The following SARM1 variants were observed in gnomAD, a reference collection of about 807,000 sequenced individuals.
The protein encoded by SARM1 is sterile alpha and TIR motif containing 1.
Under a neutral mutation model 65.1 loss-of-function variants are expected in SARM1, and 60 were observed. The ratio of observed to expected loss-of-function variants is 0.92; its 90% CI spans 0.75 to 1.14. The LOEUF (loss-of-function observed/expected upper bound fraction) is 1.14. Among genes scored for constraint, SARM1 ranks in the 50% most tolerant of loss-of-function variants. The pLI, the probability that SARM1 is intolerant of heterozygous loss-of-function variation, is 0.00. For missense variants in SARM1, 913 were observed against 1,015.7 expected, an observed-to-expected ratio of 0.90 and a Z score of 1.37; for synonymous variants, 417 against 465.4, an observed-to-expected ratio of 0.90 and a Z score of 1.34.
In SARM1 at chr17:28,403,123, C is replaced by G. The variant is rs1423906056; in HGVS notation, c.*6837C>G. 2 of 152,214 alleles carry G rather than the reference C, an allele frequency of 1.3e-5. No homozygotes were observed. Among genetic ancestry groups the G allele is most frequent in the East Asian group, 3.9e-4 (2 of 5,194 alleles). 9.4% of individuals were successfully genotyped at this position (152,214 alleles called of 1,614,324 possible). On this transcript the variant is annotated 3_prime_UTR_variant, in exon 9 of 9. Coordinates refer to ENST00000585482, the MANE Select transcript of SARM1 (RefSeq NM_015077.4). Reference sequence around the variant, plus strand: ...AAACACGTTCTCTCCTGGAGGCTTGCAAGGGAGCACTGCCTGCTGACTGCT... The same window carrying G: ...AAACACGTTCTCTCCTGGAGGCTTGGAAGGGAGCACTGCCTGCTGACTGCT...
In SARM1 at chr17:28,400,902, C is replaced by T. The variant is rs2068189161; in HGVS notation, c.*4616C>T. On this transcript the variant is annotated 3_prime_UTR_variant, in exon 9 of 9. Transcript: ENST00000585482. Reference sequence around the variant, plus strand: ...CCTTCCTCACCAGTAAATCCTGCTACATCATGTACTGTGACAAGGATTCAG... The same window carrying T: ...CCTTCCTCACCAGTAAATCCTGCTATATCATGTACTGTGACAAGGATTCAG... 5 of 775,724 alleles carry T rather than the reference C, an allele frequency of 6.4e-6. No individual in the cohort carries two copies. Among genetic ancestry groups the T allele is most frequent in the Non-Finnish European group, 2.2e-6 (1 of 455,172 alleles). The allele number at this position is 775,724 out of a possible 1,614,324, so 48.1% of individuals were successfully genotyped here.
In SARM1 at chr17:28,385,218, G is replaced by T; in HGVS notation, c.1573G>T (p.Glu525Ter). ...LHRVSEQQLL[E>*]DCGIHLGVHR... Reference sequence around the variant, plus strand: ...CCGCGTGTCTGAGCAGCAGCTGCTGGAAGACTGCGGCATCCACCTGGGCGT... The same window carrying T: ...CCGCGTGTCTGAGCAGCAGCTGCTGTAAGACTGCGGCATCCACCTGGGCGT... The change falls in exon 5 of 9, where the codon GAA (glutamate) becomes TAA (stop). Residue 525 changes from glutamate (E) to a stop codon, truncating the protein, a stop_gained. Transcript: ENST00000585482. LOFTEE classifies it high-confidence loss of function. The surrounding 1 kb of genome is among the most constrained non-coding windows in gnomAD (Gnocchi z 4.5). 6.3e-7 allele frequency: 1 copy of T among 1,597,994 alleles called. No homozygotes were observed.
In SARM1 at chr17:28,399,938, G is replaced by T. The variant is rs987647468; in HGVS notation, c.*3652G>T. 9.4e-6 allele frequency: 5 copies of T among 530,606 alleles called. No homozygotes were observed. The highest frequency in any genetic ancestry group is 1.9e-5 in the African/African-American group (1 of 52,162). The allele number at this position is 530,606 out of a possible 1,614,324, so 32.9% of individuals were successfully genotyped here. On this transcript the variant is annotated 3_prime_UTR_variant, in exon 9 of 9. Coordinates refer to ENST00000585482, the MANE Select transcript of SARM1 (RefSeq NM_015077.4). ...AGACAGGGTCTTGCTCTGTTGTCCA[G>T]GCTGGAGGGCAGTGACATAATCATA...
chr17:28,383,746 C>T (rs917054748), intron 2 of SARM1, among the ~76,000 whole-genome samples: 2 of 152,200 alleles, frequency 1.3e-5, no homozygotes, highest in South Asian at 4.1e-4. Context: ...GAAGTTGCAT[C>T]GTCAACCAGT....
In SARM1 at chr17:28,396,402, T is replaced by C. The variant is rs2068124287; in HGVS notation, c.*116T>C. 8.1e-7 allele frequency: 1 copy of C among 1,232,998 alleles called. No homozygotes were observed. The highest frequency in any genetic ancestry group is 1.5e-5 in the African/African-American group (1 of 66,802). The allele number at this position is 1,232,998 out of a possible 1,614,324, so 76.4% of individuals were successfully genotyped here. ...GACAACCTGGGCTCTTCTTAGGAAA[T>C]GGCTCTCCCTCCCCCTGTCCCCCAC... On this transcript the variant is annotated 3_prime_UTR_variant, in exon 9 of 9. Transcript: ENST00000585482.
rs140340827 is a variant in SARM1 at position 28,384,903 on chromosome 17, G to T, written c.1367G>T (p.Gly456Val). ...LTEEELQTDLGMKSGITRKRF... is the reference protein window; with the variant it reads ...LTEEELQTDLVMKSGITRKRF... ...GAGGAGGAACTCCAGACCGACCTGGGCATGAAATCGGGCATCACCCGCAAG... is the reference window on the plus strand; with the variant it reads ...GAGGAGGAACTCCAGACCGACCTGGTCATGAAATCGGGCATCACCCGCAAG... Residue 456 changes from glycine (G) to valine (V), a missense_variant, in exon 4 of 9, where the codon GGC (glycine) becomes GTC (valine). Transcript: ENST00000585482. The surrounding 1 kb of genome is among the most constrained non-coding windows in gnomAD (Gnocchi z 4.4). 1.3e-4 allele frequency: 196 copies of T among 1,564,636 alleles called. No individual in the cohort carries two copies. In the African/African-American group the frequency reaches 2.4e-3, roughly 19 times the overall value.
Position 28,385,382 on chromosome 17 carries a change from T to TTAAAAC in SARM1, c.1630+108_1630+109insAAAACT. On this transcript the variant is annotated intron_variant, in intron 5 of 8. Coordinates refer to ENST00000585482, the MANE Select transcript of SARM1 (RefSeq NM_015077.4). The surrounding 1 kb of genome is among the most constrained non-coding windows in gnomAD (Gnocchi z 4.5). ...GCCTTCCAGCCTCGCCGTGGATTGA[T>TTAAAAC]TGAGCACAAACGTGGGTCACACTGG... 1 of 858,128 alleles carries TTAAAAC rather than the reference T, an allele frequency of 1.2e-6. No homozygotes were observed. Among genetic ancestry groups the TTAAAAC allele is most frequent in the Non-Finnish European group, 1.7e-6 (1 of 571,552 alleles). 53.2% of individuals were successfully genotyped at this position (858,128 alleles called of 1,614,324 possible). A position where few individuals can be genotyped will look rare whatever the true frequency, so the allele number is the denominator to read the frequency against.
At position 28,372,508 on chromosome 17, in the gene SARM1, C is replaced by T. The variant is rs1555584223; in HGVS notation, c.470+6C>T. 1 of 1,521,820 alleles carries T rather than the reference C, an allele frequency of 6.6e-7. No homozygotes were observed. Among genetic ancestry groups the T allele is most frequent in the Non-Finnish European group, 8.8e-7 (1 of 1,141,068 alleles). 94.3% of individuals were successfully genotyped at this position (1,521,820 alleles called of 1,614,324 possible). A position where few individuals can be genotyped will look rare whatever the true frequency, so the allele number is the denominator to read the frequency against. On this transcript the variant is annotated splice_donor_region_variant and intron_variant, in intron 1 of 8. Coordinates refer to ENST00000585482, the MANE Select transcript of SARM1 (RefSeq NM_015077.4). The surrounding 1 kb of genome is among the most constrained non-coding windows in gnomAD (Gnocchi z 5.2). ...ATCCTGGTGGCTGAGAACCGGTGAG[C>T]GCGCCAGGCCGGGGTTGGGAGAGCG... is the stretch of plus-strand genomic sequence containing the variant.
chr17:28,387,147 G>T (rs1235991495), intron 5 of SARM1, among the ~76,000 whole-genome samples: 1 of 152,200 alleles, frequency 6.6e-6, no homozygotes, highest in East Asian at 1.9e-4. Context: ...TGGGAGGAAT[G>T]ACATGCTCAG....
chr17:28,396,039 GCC>G lies in SARM1; in HGVS notation c.2045+15_2045+16del. On this transcript the variant is annotated intron_variant, in intron 8 of 8. Coordinates refer to ENST00000585482, the MANE Select transcript of SARM1 (RefSeq NM_015077.4). The stretch of plus-strand genomic sequence containing the variant: ...TCAACGGTATCAAGTGAGCCCCAGG[GCC>G]CTGGGACCAGGGGGGTAGGGTACAA... 3 of 1,613,856 alleles carry G rather than the reference GCC, an allele frequency of 1.9e-6. No homozygotes were observed. Among genetic ancestry groups the G allele is most frequent in the Non-Finnish European group, 2.5e-6 (3 of 1,179,830 alleles).
In SARM1 at chr17:28,388,364, A is replaced by G; in HGVS notation, c.1748A>G (p.His583Arg). 1.2e-6 allele frequency: 2 copies of G among 1,613,900 alleles called. No homozygotes were observed. Among genetic ancestry groups the G allele is most frequent in the Non-Finnish European group, 1.7e-6 (2 of 1,179,874 alleles). The change falls in exon 7 of 9, where the codon CAC (histidine) becomes CGC (arginine). Residue 583 changes from histidine to arginine, a missense_variant. Around this residue, in one of 3 missense-constraint regions of SARM1, gnomAD observed 862 missense variants for 952.1 expected, o/e 0.91. Transcript: ENST00000585482. ...GSQLASLLKV[H>R]LQLHGFSVFI... ...CTTACTTGCAGTCTCCTGAAGGTGC[A>G]CCTGCAGCTGCATGGCTTCAGTGTC...
At chr17:28,379,341 C>T (rs769762438) in intron 1 of SARM1, among the ~76,000 whole-genome samples, 45 of 110,204 alleles carry the variant, frequency 4.1e-4, no homozygotes, top group Non-Finnish European at 6.1e-4. Context: ...GACGGAGTCT[C>T]GCTCTGTTGC....
In SARM1 at chr17:28,381,531, C is replaced by T. The variant is rs11658194; in HGVS notation, c.799C>T (p.Arg267Trp). 137 of 1,576,014 alleles carry T rather than the reference C, an allele frequency of 8.7e-5. No individual in the cohort carries two copies. Among genetic ancestry groups the T allele is most frequent in the Non-Finnish European group, 1.2e-4 (136 of 1,162,266 alleles). ...LAFSKEDELL[R>W]LHACLAVAVL... ...CTTCTCCAAGGAGGACGAGCTGCTT[C>T]GGCTGCACGCCTGCCTCGCAGTAGC... The change falls in exon 2 of 9, where the codon CGG becomes TGG. Residue 267 changes from arginine to tryptophan, a missense_variant. By Grantham distance (101) the Arg-to-Trp change is moderately radical. Around this residue, in one of 3 missense-constraint regions of SARM1, gnomAD observed 862 missense variants for 952.1 expected, o/e 0.91. Coordinates refer to ENST00000585482, the MANE Select transcript of SARM1 (RefSeq NM_015077.4).
At chr17:28,379,374 C>T (rs1271766040) in intron 1 of SARM1, among the ~76,000 whole-genome samples, 5 of 137,112 alleles carry the variant, frequency 3.6e-5, no homozygotes, top group African/African-American at 5.6e-5. Context: ...GCAGTGGTGC[C>T]ATCTTGGCTC....
intron 1 of SARM1, among the ~76,000 whole-genome samples, chr17:28,376,088 G>C (rs1439918269): frequency 2.0e-5 from 3 of 152,148 alleles, no homozygotes; most frequent in Non-Finnish European, 4.4e-5. Flanking sequence ...ACTGGGAGCT[G>C]GGTGAGTAGT....
rs115109517 is a variant in SARM1 at position 28,393,166 on chromosome 17, A to G, written c.1924-2739A>G. 5.7e-3 allele frequency among the ~76,000 whole-genome samples: 864 copies of G among 152,322 alleles called. 6 individuals are homozygous for G. The highest frequency in any genetic ancestry group is 0.02 in the African/African-American group (841 of 41,560). ...ATTAAGCATACACTGCATGCAAAGC[A>G]CTGTTCTAATTACTTGCCATGGAAT... On this transcript the variant is annotated intron_variant, in intron 7 of 8. Coordinates refer to ENST00000585482, the MANE Select transcript of SARM1 (RefSeq NM_015077.4).
At chr17:28,395,835 G>A (rs2068114493) in intron 7 of SARM1, 70 bp from the exon 8 acceptor site, 1 of 1,593,460 alleles carries the variant, frequency 6.3e-7, no homozygotes, top group Non-Finnish European at 8.5e-7. Flanking sequence ...GGGCCTCCCA[G>A]CACCTGCCTG....
intron 1 of SARM1, among the ~76,000 whole-genome samples, chr17:28,379,810 A>G (rs1567806064): frequency 6.6e-6 from 1 of 152,220 alleles, no homozygotes; most frequent in Non-Finnish European, 1.5e-5. Flanking sequence ...GGAATGACGA[A>G]CCATGAAGCG....
In SARM1 at chr17:28,372,657, A is replaced by G. The variant is rs1385682622; in HGVS notation, c.470+155A>G. Among the ~76,000 whole-genome samples, 1 of 152,232 alleles carries G rather than the reference A, an allele frequency of 6.6e-6. No individual in the cohort carries two copies. Among genetic ancestry groups the G allele is most frequent in the Non-Finnish European group, 1.5e-5 (1 of 68,044 alleles). On this transcript the variant is annotated intron_variant, in intron 1 of 8. Transcript: ENST00000585482. This position sits in a 1 kb window ranked among gnomAD's most constrained non-coding sequence, Gnocchi z 5.2. ...AGGGGTCAGCCTGTCTGTTTCACAG[A>G]TAAGGAAACTGAGCCTTGGGAAAGT...
Sources: allele counts gnomAD v4.1 joint callset (sites outside exome capture counted in the v4.1 genomes callset), GRCh38; gene constraint gnomAD v4.1.1; regional missense constraint gnomAD v4.1.1; non-coding constraint Gnocchi (gnomAD v3.1); transcripts MANE v1.5; gene names NCBI Gene and HGNC (gene_info 2026-07-23, HGNC 2026-07-21).